MOB3A: variants seen among roughly 807,000 people sequenced by gnomAD.
MOB3A encodes the protein MOB kinase activator 3A.
MOB3A carries 17 observed loss-of-function variants against 17.8 expected under a neutral mutation model. The ratio of observed to expected loss-of-function variants is 0.95; its 90% CI spans 0.65 to 1.43. MOB3A has a LOEUF of 1.43. Among genes scored for constraint, MOB3A ranks in the 40% most tolerant of loss-of-function variants. The pLI, the probability that MOB3A is intolerant of heterozygous loss-of-function variation, is 0.00. For synonymous variants in MOB3A, 124 were observed against 133.2 expected, an observed-to-expected ratio of 0.93 and a Z score of 0.48; for missense variants, 333 against 310.8, an observed-to-expected ratio of 1.07 and a Z score of -0.54.
Position 2,079,220 on chromosome 19 carries a change from C to T in MOB3A, c.-119-541G>A, listed in dbSNP as rs568701315. Among the ~76,000 whole-genome samples the T allele has an allele frequency of 6.6e-5, 10 of 152,382 alleles. No homozygotes were observed. In the South Asian group the frequency reaches 2.1e-3, roughly 32 times the overall value. The stretch of plus-strand genomic sequence containing the variant: ...GAGCCCGCAGGGGCCGCATCTTCCC[C>T]GGTGCCGATGCCTGGCCCGGACCTA... On this transcript the variant is annotated intron_variant, in intron 2 of 4. Coordinates refer to ENST00000357066, the MANE Select transcript of MOB3A (RefSeq NM_130807.3).
intron 1 of MOB3A, among the ~76,000 whole-genome samples, chr19:2,090,405 G>C (rs534869779): frequency 6.6e-6 from 1 of 152,284 alleles, no homozygotes; most frequent in Non-Finnish European, 1.5e-5. Flanking sequence ...ACACGGTGAA[G>C]ATTCTGCCCC....
rs1239008639 is a variant in MOB3A, at chr19:2,073,274, G to A, written c.*121C>T. 5.9e-5 allele frequency: 76 copies of A among 1,291,124 alleles called. No individual in the cohort carries two copies. The highest frequency in any genetic ancestry group is 7.6e-5 in the Non-Finnish European group (69 of 908,600). 80.0% of individuals were successfully genotyped at this position (1,291,124 alleles called of 1,614,324 possible). ...AGGACCAACACCTGCTCAGCGGCTC[G>A]GCCCCTGGTCTCCCTGAGATGCTCA... On this transcript the variant is annotated 3_prime_UTR_variant, in exon 5 of 5. Coordinates refer to ENST00000357066, the MANE Select transcript of MOB3A (RefSeq NM_130807.3).
At chr19:2,083,268 C>T (rs557494182) in intron 2 of MOB3A, among the ~76,000 whole-genome samples, 2 of 152,316 alleles carry the variant, frequency 1.3e-5, no homozygotes, top group East Asian at 1.9e-4. Flanking sequence ...CCGGGGAGCC[C>T]GGGACGCATC....
intron 4 of MOB3A, among the ~76,000 whole-genome samples, chr19:2,075,233 T>C (rs1024151464): frequency 6.6e-6 from 1 of 152,166 alleles, no homozygotes; most frequent in African/African-American, 2.4e-5. Flanking sequence ...TCTCACTATG[T>C]TGTCCAGGCT....
At chr19:2,092,619 G>T (rs1325828674) in intron 1 of MOB3A, among the ~76,000 whole-genome samples, 1 of 151,932 alleles carries the variant, frequency 6.6e-6, no homozygotes, top group Admixed American at 6.6e-5. Context: ...TTAGCCGGGC[G>T]TGGTGGCGCA....
At chr19:2,073,448 A>G (rs763444997) in intron 4 of MOB3A, 24 bp from the exon 5 acceptor site, 1 of 1,613,770 alleles carries the variant, frequency 6.2e-7, no homozygotes, top group Non-Finnish European at 8.5e-7. Flanking sequence ...GCAAGACATC[A>G]GCTCCCACCA....
At chr19:2,088,541 C>T (rs2017578617) in intron 1 of MOB3A, among the ~76,000 whole-genome samples, 1 of 152,090 alleles carries the variant, frequency 6.6e-6, no homozygotes, top group Non-Finnish European at 1.5e-5. Flanking sequence ...GATCTTGGCT[C>T]ACTGCAACCT....
At chr19:2,084,992 G>A (rs990354226) in intron 2 of MOB3A, among the ~76,000 whole-genome samples, 183 bp downstream of exon 2, 2 of 152,138 alleles carry the variant, frequency 1.3e-5, no homozygotes, top group African/African-American at 4.8e-5. Context: ...CCAAAGTGCT[G>A]GGATTACAGA....
intron 2 of MOB3A, among the ~76,000 whole-genome samples, chr19:2,078,948 C>T (rs937422343): frequency 2.0e-5 from 3 of 152,124 alleles, no homozygotes; most frequent in Non-Finnish European, 4.4e-5. Flanking sequence ...TTAGTAGAAA[C>T]GAGGTCTCAC....
rs113503522 is a variant in MOB3A at position 2,093,306 on chromosome 19, C to T, written c.-274+2920G>A. 6.8e-4 allele frequency among the ~76,000 whole-genome samples: 103 copies of T among 152,180 alleles called. 1 individual carries two copies. The highest frequency in any genetic ancestry group is 2.2e-3 in the African/African-American group (92 of 41,526). ...CTGAGTAGCTGGGACTACAGGCACGCGCCAGCATGCCCGGGTAAATTTTGT... is the reference window on the plus strand; with the variant it reads ...CTGAGTAGCTGGGACTACAGGCACGTGCCAGCATGCCCGGGTAAATTTTGT... On this transcript the variant is annotated intron_variant, in intron 1 of 4. Transcript: ENST00000357066. The surrounding 1 kb of genome is among the most constrained non-coding windows in gnomAD (Gnocchi z 4.6).
intron 4 of MOB3A, among the ~76,000 whole-genome samples, chr19:2,075,532 G>T (rs114497939): frequency 6.6e-6 from 1 of 152,088 alleles, no homozygotes; most frequent in South Asian, 2.1e-4. Flanking sequence ...GGCTGGTGGG[G>T]TCCCGCTCTC....
chr19:2,076,123 C>CAA (rs771808104), intron 4 of MOB3A, among the ~76,000 whole-genome samples: 465 of 33,976 alleles, frequency 0.014, 2 homozygotes, highest in Non-Finnish European at 0.017. Flanking sequence ...ACTCCATCTC[C>CAA]AAAAAAAAAA....
chr19:2,077,770 A>G (rs78387389), intron 3 of MOB3A, among the ~76,000 whole-genome samples: 1,872 of 152,024 alleles, frequency 0.012, 43 homozygotes, highest in African/African-American at 0.042. Context: ...ACTTAGGAGA[A>G]TACTCAGAAA....
intron 2 of MOB3A, among the ~76,000 whole-genome samples, chr19:2,081,032 T>G (rs1257044781): frequency 6.6e-6 from 1 of 151,974 alleles, no homozygotes; most frequent in African/African-American, 2.4e-5. Context: ...ATCCCAGAAC[T>G]GAGGTGGGAG....
rs2017638024 is a variant in MOB3A at position 2,093,737 on chromosome 19, C to T, written c.-274+2489G>A. On this transcript the variant is annotated intron_variant, in intron 1 of 4. Coordinates refer to ENST00000357066, the MANE Select transcript of MOB3A (RefSeq NM_130807.3). The surrounding 1 kb of genome is among the most constrained non-coding windows in gnomAD (Gnocchi z 4.6). ...TCCAGAGTTAAAAGAGAAAAATCAA[C>T]CTGTGGAAAGAGAGGGAGCTGGGAA... Among the ~76,000 whole-genome samples, 1 of 152,142 alleles carries T rather than the reference C, an allele frequency of 6.6e-6. No homozygotes were observed.
chr19:2,071,721 G>A lies in MOB3A; in HGVS notation c.*1674C>T, dbSNP rs2017339622. ...GCCCCAGGGGCCACACAGAAAAAGGGGTTCAACTGGAAGTTTGCAGCATCT... is the reference window on the plus strand; with the variant it reads ...GCCCCAGGGGCCACACAGAAAAAGGAGTTCAACTGGAAGTTTGCAGCATCT... On this transcript the variant is annotated 3_prime_UTR_variant, in exon 5 of 5. Coordinates refer to ENST00000357066, the MANE Select transcript of MOB3A (RefSeq NM_130807.3). The A allele has an allele frequency of 6.6e-6, 1 of 152,402 alleles. No individual in the cohort carries two copies. The highest frequency in any genetic ancestry group is 1.9e-4 in the East Asian group (1 of 5,202). The allele number at this position is 152,402 out of a possible 1,614,324, so 9.4% of individuals were successfully genotyped here.
intron 1 of MOB3A, among the ~76,000 whole-genome samples, chr19:2,087,108 G>C (rs755126494): frequency 5.9e-5 from 9 of 152,184 alleles, no homozygotes; most frequent in Admixed American, 5.2e-4. Context: ...GACTTCTCTC[G>C]TGGGAAAGCA....
chr19:2,073,259 C>A lies in MOB3A; in HGVS notation c.*136G>T. ...GGGTTGGAGCTCCTGAGGACCAACA[C>A]CTGCTCAGCGGCTCGGCCCCTGGTC... is the stretch of plus-strand genomic sequence containing the variant. On this transcript the variant is annotated 3_prime_UTR_variant, in exon 5 of 5. Coordinates refer to ENST00000357066, the MANE Select transcript of MOB3A (RefSeq NM_130807.3). 2 of 1,117,610 alleles carry A rather than the reference C, an allele frequency of 1.8e-6. No homozygotes were observed. Among genetic ancestry groups the A allele is most frequent in the Non-Finnish European group, 1.3e-6 (1 of 756,682 alleles). The allele number at this position is 1,117,610 out of a possible 1,614,324, so 69.2% of individuals were successfully genotyped here. A position where few individuals can be genotyped will look rare whatever the true frequency, so the allele number is the denominator to read the frequency against.
rs2017631699 is a variant in MOB3A, at chr19:2,093,075, C to T, written c.-274+3151G>A. 1.3e-5 allele frequency among the ~76,000 whole-genome samples: 2 copies of T among 152,144 alleles called. No individual in the cohort carries two copies. The highest frequency in any genetic ancestry group is 4.8e-5 in the African/African-American group (2 of 41,446). On this transcript the variant is annotated intron_variant, in intron 1 of 4. Transcript: ENST00000357066. The surrounding 1 kb of genome is among the most constrained non-coding windows in gnomAD (Gnocchi z 4.6). ...GGTCTAAAACTCCCCACCTTAAAACCCCAAGCTCAGTCAGCTGTGTGGGGA... is the reference window on the plus strand; with the variant it reads ...GGTCTAAAACTCCCCACCTTAAAACTCCAAGCTCAGTCAGCTGTGTGGGGA...
Sources: gnomAD v4.1 joint callset for allele counts (sites outside exome capture counted in the v4.1 genomes callset) on GRCh38, gnomAD v4.1.1 for gene constraint, Gnocchi (gnomAD v3.1) non-coding constraint, MANE v1.5 for transcripts, NCBI Gene and HGNC (gene_info 2026-07-23, HGNC 2026-07-21) for gene names.